The following CDON variants were observed in gnomAD, a reference collection of about 807,000 sequenced individuals.
CDON encodes cell adhesion associated, oncogene regulated, also known as cell adhesion molecule-related/down-regulated by oncogenes.
CDON carries 73 observed loss-of-function variants against 120.9 expected under a neutral mutation model. The ratio of observed to expected loss-of-function variants is 0.60; its 90% CI spans 0.50 to 0.73. The LOEUF (loss-of-function observed/expected upper bound fraction) is 0.73. Among genes scored for constraint, CDON ranks in the 30% least tolerant of loss-of-function variants. The pLI is 0.00. For synonymous variants in CDON, 566 were observed against 573.5 expected, an observed-to-expected ratio of 0.99 and a Z score of 0.19; for missense variants, 1,470 against 1,587.3, an observed-to-expected ratio of 0.93 and a Z score of 1.26.
At chr11:126,009,488 G>C (rs1352972744) in intron 8 of CDON, among the ~76,000 whole-genome samples, 1 of 152,176 alleles carries the variant, frequency 6.6e-6, no homozygotes, top group Non-Finnish European at 1.5e-5. Context: ...CTAGAAGGAG[G>C]AATGTGGGCT....
At chr11:126,056,859 A>G (rs929169203) in intron 1 of CDON, among the ~76,000 whole-genome samples, 2 of 152,104 alleles carry the variant, frequency 1.3e-5, no homozygotes, top group Non-Finnish European at 2.9e-5. Context: ...TCTTCCTTTT[A>G]TGGTGGACTT....
At chr11:126,000,565 C>T (rs1244405043) in intron 11 of CDON, among the ~76,000 whole-genome samples, 3 of 152,188 alleles carry the variant, frequency 2.0e-5, no homozygotes, top group Non-Finnish European at 4.4e-5. Context: ...CTTTGCTGTT[C>T]CAGCATTTTA....
intron 1 of CDON, among the ~76,000 whole-genome samples, chr11:126,043,825 A>G (rs777269154): frequency 4.9e-4 from 74 of 152,144 alleles, no homozygotes; most frequent in Non-Finnish European, 9.7e-4. Context: ...TTTTAGTTCT[A>G]TTCTAATCTG....
chr11:126,005,302 A>C (rs530104131), intron 9 of CDON: 3,085 of 97,580 alleles, frequency 0.032, 92 homozygotes, highest in African/African-American at 0.12. Context: ...ACCCTGTCTC[A>C]AAAAAAAAAA....
At chr11:126,051,556 T>C (rs1265032013) in intron 1 of CDON, among the ~76,000 whole-genome samples, 1 of 152,154 alleles carries the variant, frequency 6.6e-6, no homozygotes, top group African/African-American at 2.4e-5. Context: ...GCACAAGCTG[T>C]ATTGTATAAT....
At chr11:125,994,232 C>T in intron 14 of CDON, 52 bp downstream of exon 14, 3 of 916,950 alleles carry the variant, frequency 3.3e-6, no homozygotes, top group Non-Finnish European at 5.5e-6. Flanking sequence ...ATTCATAAAC[C>T]TTCTTTCTCC....
At chr11:125,969,876 T>C (rs1264081133) in intron 18 of CDON, among the ~76,000 whole-genome samples, 3 of 151,992 alleles carry the variant, frequency 2.0e-5, no homozygotes, top group Admixed American at 6.6e-5. Context: ...ATTGGAAGAG[T>C]AGTGTAGGAT....
rs201255296 is a variant in CDON, at chr11:125,970,341, AT to A, written c.3356+7962del. On this transcript the variant is annotated intron_variant, in intron 18 of 19. Transcript: ENST00000531738. ...AGGCGCGCGCCACCACGCCTGGCTG[AT>A]TTTTGTTTTTTTAGTAGAGATGGGG... Among the ~76,000 whole-genome samples the A allele has an allele frequency of 9.9e-5, 15 of 151,720 alleles. No homozygotes were observed. In the East Asian group the frequency reaches 2.7e-3, roughly 27 times the overall value.
intron 11 of CDON, among the ~76,000 whole-genome samples, chr11:125,998,124 G>A (rs1175668774): frequency 6.6e-6 from 1 of 152,170 alleles, no homozygotes; most frequent in African/African-American, 2.4e-5. Flanking sequence ...CAAGGAAAGG[G>A]AATGCCCTAA....
In CDON at chr11:126,001,641, C is replaced by T. The variant is rs1946946827; in HGVS notation, c.2158+78G>A. ...TAAGATATGAAAATAAACAAACACCCTATTCCACCCCACCTCCCAAAATCT... is the reference window on the plus strand; with the variant it reads ...TAAGATATGAAAATAAACAAACACCTTATTCCACCCCACCTCCCAAAATCT... On this transcript the variant is annotated intron_variant, in intron 11 of 19. Coordinates refer to ENST00000531738, the MANE Select transcript of CDON (RefSeq NM_001378964.1). 4.0e-6 allele frequency: 5 copies of T among 1,252,604 alleles called. No homozygotes were observed. The East Asian group carries it at 7.0e-5, about 18-fold the overall frequency. 77.6% of individuals were successfully genotyped at this position (1,252,604 alleles called of 1,614,324 possible).
At chr11:126,043,784 G>A (rs1369192554) in intron 1 of CDON, among the ~76,000 whole-genome samples, 1 of 152,156 alleles carries the variant, frequency 6.6e-6, no homozygotes, top group East Asian at 1.9e-4. Flanking sequence ...ATGGCCATGT[G>A]TCATTCTGGA....
chr11:125,961,728 G>A lies in CDON; in HGVS notation c.3627C>T (p.Ser1209=), dbSNP rs1231950656. The A allele has an allele frequency of 1.2e-6, 2 of 1,614,114 alleles. No individual in the cohort carries two copies. Among genetic ancestry groups the A allele is most frequent in the Non-Finnish European group, 1.7e-6 (2 of 1,180,008 alleles). The change falls in exon 19 of 20, where the codon AGC becomes AGT. Residue 1209 remains serine (S), a synonymous_variant. Coordinates refer to ENST00000531738, the MANE Select transcript of CDON (RefSeq NM_001378964.1). ...SDGSEDPAEF[S]RGDSCAHSET... is the part of the protein sequence containing the mutation. ...GGTTGATCATGCCTTCCTGACCTCT[G>A]CTGAACTCTGCTGGATCTTCTGAGC...
intron 3 of CDON, 130 bp from the exon 4 acceptor site, chr11:126,019,895 C>G: frequency 1.3e-6 from 1 of 764,394 alleles, no homozygotes; most frequent in Non-Finnish European, 2.2e-6. Context: ...GTCCAGAGGG[C>G]TGCATGATCT....
intron 3 of CDON, among the ~76,000 whole-genome samples, chr11:126,020,906 T>C (rs957919767): frequency 6.6e-5 from 10 of 152,014 alleles, no homozygotes; most frequent in African/African-American, 2.4e-4. Flanking sequence ...AATGATATCA[T>C]GGATTTCCAA....
intron 1 of CDON, among the ~76,000 whole-genome samples, chr11:126,031,376 C>T (rs940783185): frequency 1.3e-5 from 2 of 152,102 alleles, no homozygotes; most frequent in African/African-American, 4.8e-5. Context: ...AATACAGCTT[C>T]GTTTTATTCA....
chr11:125,997,491 A>C (rs1030168888), intron 11 of CDON, 81 bp from the exon 12 acceptor site: 40 of 1,077,172 alleles, frequency 3.7e-5, no homozygotes, highest in Non-Finnish European at 2.8e-6. Flanking sequence ...GATAAGTCCC[A>C]AACTTCATGT....
At chr11:126,017,013 T>C (rs1947487713) in intron 6 of CDON, 75 bp downstream of exon 6, 1 of 1,229,468 alleles carries the variant, frequency 8.1e-7, no homozygotes. Flanking sequence ...ATTTCACAAA[T>C]AGATCTTTCC....
At position 126,062,816 on chromosome 11, in the gene CDON, C is replaced by T. The variant is rs529084192; in HGVS notation, c.-299G>A. ...GGTCCCGGGTCTCCTCGCACCTAGC[C>T]GCGCGAGCCGGGCTCCCGGGCTCAG... On this transcript the variant is annotated 5_prime_UTR_variant, in exon 1 of 20. Transcript: ENST00000531738. The T allele has an allele frequency of 6.6e-6, 1 of 151,586 alleles. No individual in the cohort carries two copies. The highest frequency in any genetic ancestry group is 1.5e-5 in the Non-Finnish European group (1 of 67,858). 9.4% of individuals were successfully genotyped at this position (151,586 alleles called of 1,614,324 possible). A position where few individuals can be genotyped will look rare whatever the true frequency, so the allele number is the denominator to read the frequency against.
At position 125,983,877 on chromosome 11, in the gene CDON, A is replaced by G. The variant is rs780332543; in HGVS notation, c.2990T>C (p.Ile997Thr). 1.9e-5 allele frequency: 31 copies of G among 1,611,248 alleles called. No individual in the cohort carries two copies. The highest frequency in any genetic ancestry group is 2.5e-5 in the Non-Finnish European group (29 of 1,177,540). The part of the protein sequence containing the change: ...CLWKNRQQNT[I>T]QKYDPPGYLY... ...GATATTTATGAGTGACTTACTTTGT[A>G]TGGTATTCTGCTGGCGATTCTTCCA... Residue 997 changes from isoleucine to threonine, a missense_variant, in exon 16 of 20, where the codon ATA (isoleucine) becomes ACA (threonine). By Grantham distance (89) the Ile-to-Thr change is moderately conservative. Transcript: ENST00000531738.
Sources: allele counts gnomAD v4.1 joint callset (sites outside exome capture counted in the v4.1 genomes callset), GRCh38; gene constraint gnomAD v4.1.1; transcripts MANE v1.5; gene names NCBI Gene and HGNC (gene_info 2026-07-23, HGNC 2026-07-21).